ZZEF1: variants seen among roughly 807,000 people sequenced by gnomAD.
ZZEF1 encodes the protein zinc finger ZZ-type and EF-hand domain containing 1.
In ZZEF1, 157 loss-of-function variants were observed where a neutral mutation model predicts 342.8. That is an observed-to-expected ratio of 0.46 (90% confidence interval 0.40 to 0.52). The LOEUF is 0.52. Among genes scored for constraint, ZZEF1 ranks in the 20% least tolerant of loss-of-function variants. The probability of loss-of-function intolerance (pLI) is 0.00; values close to 1 mark genes in which losing one functional copy is unlikely to be tolerated. For synonymous variants in ZZEF1, 1,505 were observed against 1,429.1 expected (o/e 1.05, Z -1.20); for missense variants, 3,480 against 3,725.6 (o/e 0.93, Z 1.72).
At position 4,142,737 on chromosome 17, in the gene ZZEF1, C is replaced by G; in HGVS notation, c.159G>C (p.Pro53=). 6.5e-7 allele frequency: 1 copy of G among 1,530,016 alleles called. No individual in the cohort carries two copies. Among genetic ancestry groups the G allele is most frequent in the Middle Eastern group, 1.7e-4 (1 of 5,874 alleles). The allele number at this position is 1,530,016 out of a possible 1,614,324, so 94.8% of individuals were successfully genotyped here. ...ALPPAAALLE[P]ARLREAAAAL... ...CTGCAGCAGCCTCTCGCAGCCTGGC[C>G]GGCTCCAGCAGCGCCGCGGCGGGTG... is the stretch of plus-strand genomic sequence containing the variant. Residue 53 remains proline (P), a synonymous_variant, in exon 1 of 55, where the codon CCG becomes CCC. Transcript: ENST00000381638.
intron 2 of ZZEF1, among the ~76,000 whole-genome samples, chr17:4,123,266 AC>A (rs2058514329): frequency 1.4e-5 from 1 of 72,448 alleles, no homozygotes; most frequent in African/African-American, 5.1e-5. Context: ...ATTTATCATA[AC>A]CATATATATA....
chr17:4,128,425 T>C (rs577273222), intron 1 of ZZEF1, among the ~76,000 whole-genome samples: 1 of 149,620 alleles, frequency 6.7e-6, no homozygotes, highest in South Asian at 2.1e-4. Context: ...AAAAGGATGA[T>C]TAATATCTTC....
chr17:4,063,404 T>C (rs1463328294), intron 29 of ZZEF1, among the ~76,000 whole-genome samples: 2 of 152,124 alleles, frequency 1.3e-5, no homozygotes, highest in African/African-American at 2.4e-5. Context: ...AGGGCGGCCA[T>C]GTTTCTAGAA....
chr17:4,109,925 C>T, intron 5 of ZZEF1, 62 bp from the exon 6 acceptor site: 1 of 1,557,368 alleles, frequency 6.4e-7, no homozygotes. Flanking sequence ...TGCTGGGCTC[C>T]CAACTAAAAG....
At chr17:4,084,437 T>C (rs1173607069) in intron 16 of ZZEF1, among the ~76,000 whole-genome samples, 1 of 152,218 alleles carries the variant, frequency 6.6e-6, no homozygotes, top group Non-Finnish European at 1.5e-5. Context: ...AGGGTTCTTC[T>C]AACTATGTTC....
At chr17:4,100,834 C>CA (rs2058115606) in intron 9 of ZZEF1, among the ~76,000 whole-genome samples, 1 of 151,992 alleles carries the variant, frequency 6.6e-6, no homozygotes, top group Admixed American at 6.6e-5. Context: ...GACTTCGTCT[C>CA]AAAAAAATAT....
intron 9 of ZZEF1, 120 bp downstream of exon 9, chr17:4,102,196 CT>C (rs1296255585): frequency 3.6e-6 from 3 of 844,286 alleles, no homozygotes; most frequent in Non-Finnish European, 5.7e-6. Flanking sequence ...CCACTGCCAA[CT>C]GAGAAACAAC....
In ZZEF1 at chr17:4,051,982, T is replaced by C. The variant is rs375457144; in HGVS notation, c.5589A>G (p.Lys1863=). Residue 1863 remains lysine, a synonymous_variant, in exon 35 of 55, where the codon AAA becomes AAG. Coordinates refer to ENST00000381638, the MANE Select transcript of ZZEF1 (RefSeq NM_015113.4). ...CACTTGAGACATACCCGTAGGAGTATTTCTTCGCTGCATAGCATCCGTAGC... is the reference window on the plus strand; with the variant it reads ...CACTTGAGACATACCCGTAGGAGTACTTCTTCGCTGCATAGCATCCGTAGC... The part of the protein sequence containing the change: ...DLCYGCYAAK[K]YSYGHLPTHS... 9.4e-5 allele frequency: 152 copies of C among 1,614,052 alleles called. No individual in the cohort carries two copies. Among genetic ancestry groups the C allele is most frequent in the Non-Finnish European group, 1.2e-4 (146 of 1,179,954 alleles).
At chr17:4,095,763 ATTC>A (rs1597884452) in intron 11 of ZZEF1, 65 bp downstream of exon 11, 2 of 1,508,894 alleles carry the variant, frequency 1.3e-6, no homozygotes, top group Non-Finnish European at 1.8e-6. Flanking sequence ...GCATGAATAC[ATTC>A]TTATTAACTA....
In ZZEF1 at chr17:4,005,155, CTG is replaced by C. The variant is rs1184949340; in HGVS notation, c.*1733_*1734del. On this transcript the variant is annotated 3_prime_UTR_variant, in exon 55 of 55. Transcript: ENST00000381638. Reference sequence around the variant, plus strand: ...CCTCCCAAGCACTAAGACTTGTTTCCTGTGAGTCCCCTCTTGGGAAACTCCTT... The same window carrying C: ...CCTCCCAAGCACTAAGACTTGTTTCCTGAGTCCCCTCTTGGGAAACTCCTT... 6.6e-6 allele frequency: 1 copy of C among 152,320 alleles called. No homozygotes were observed. The highest frequency in any genetic ancestry group is 2.4e-5 in the African/African-American group (1 of 41,454). 9.4% of individuals were successfully genotyped at this position (152,320 alleles called of 1,614,324 possible).
Position 4,056,309 on chromosome 17 carries a change from C to T in ZZEF1, c.5202G>A (p.Lys1734=), listed in dbSNP as rs528256445. 17 of 1,600,818 alleles carry T rather than the reference C, an allele frequency of 1.1e-5. No individual in the cohort carries two copies. Among genetic ancestry groups the T allele is most frequent in the Admixed American group, 1.7e-5 (1 of 58,094 alleles). ...WSEEDELADA[K]QNSEWMDECQ... is the part of the protein sequence containing the mutation. ...ACTCATCCATCCATTCTGAATTCTGCTTGGCATCAGCAAGCTCATCTTCTT... is the reference window on the plus strand; with the variant it reads ...ACTCATCCATCCATTCTGAATTCTGTTTGGCATCAGCAAGCTCATCTTCTT... Residue 1734 remains lysine (K), a synonymous_variant, in exon 33 of 55, where the codon AAG becomes AAA. Coordinates refer to ENST00000381638, the MANE Select transcript of ZZEF1 (RefSeq NM_015113.4).
chr17:4,023,718 G>C (rs1251647117), intron 43 of ZZEF1, among the ~76,000 whole-genome samples: 3 of 150,852 alleles, frequency 2.0e-5, no homozygotes, highest in South Asian at 4.2e-4. Context: ...GTTAGTCCCA[G>C]CTACTTGGGA....
chr17:4,075,868 A>C (rs754213846), intron 21 of ZZEF1: 2 of 157,176 alleles, frequency 1.3e-5, no homozygotes, highest in Non-Finnish European at 2.8e-5. Context: ...CCTGTTAAAT[A>C]TAAATGCCTT....
chr17:4,067,162 C>G lies in ZZEF1; in HGVS notation c.4155+1G>C. 1 of 1,611,400 alleles carries G rather than the reference C, an allele frequency of 6.2e-7. No homozygotes were observed. Among genetic ancestry groups the G allele is most frequent in the Non-Finnish European group, 8.5e-7 (1 of 1,178,734 alleles). On this transcript the variant is annotated splice_donor_variant, in intron 27 of 54. Transcript: ENST00000381638. LOFTEE classifies it high-confidence loss of function. ...AAAATCACATGCAAAGAAAATCTTACCATCCATATTCGAATCCCATCTGCC... is the reference window on the plus strand; with the variant it reads ...AAAATCACATGCAAAGAAAATCTTAGCATCCATATTCGAATCCCATCTGCC...
At chr17:4,073,480 G>C (rs2057549409) in intron 24 of ZZEF1, among the ~76,000 whole-genome samples, 1 of 152,192 alleles carries the variant, frequency 6.6e-6, no homozygotes, top group South Asian at 2.1e-4. Context: ...TACCCAGACT[G>C]GAGTGCAGCA....
At position 4,088,911 on chromosome 17, in the gene ZZEF1, G is replaced by T. The variant is rs374200943; in HGVS notation, c.2026-18C>A. 1 of 1,610,278 alleles carries T rather than the reference G, an allele frequency of 6.2e-7. No homozygotes were observed. Among genetic ancestry groups the T allele is most frequent in the Admixed American group, 1.7e-5 (1 of 59,760 alleles). On this transcript the variant is annotated intron_variant, in intron 12 of 54. Transcript: ENST00000381638. ...ATCAAATACTGGACAGGACAAGAGA[G>T]ATTTCAATAGAAGAACTCAGAATCC...
At chr17:4,142,331 G>A (rs1271424641) in intron 1 of ZZEF1, among the ~76,000 whole-genome samples, 1 of 152,226 alleles carries the variant, frequency 6.6e-6, no homozygotes, top group Non-Finnish European at 1.5e-5. Context: ...ATATGGGCTT[G>A]TCCAGCTCTT....
At chr17:4,018,546 GA>G (rs1379678455) in intron 46 of ZZEF1, among the ~76,000 whole-genome samples, 1 of 152,172 alleles carries the variant, frequency 6.6e-6, no homozygotes, top group African/African-American at 2.4e-5. Flanking sequence ...TTTACGAACA[GA>G]AAAAGGAAAC....
At chr17:4,079,777 C>T (rs934381182) in intron 18 of ZZEF1, among the ~76,000 whole-genome samples, 1 of 152,144 alleles carries the variant, frequency 6.6e-6, no homozygotes, top group East Asian at 1.9e-4. Context: ...GCCTATCATG[C>T]CAGGCAGCTG....
Sources: allele counts gnomAD v4.1 joint callset (sites outside exome capture counted in the v4.1 genomes callset), GRCh38; gene constraint gnomAD v4.1.1; transcripts MANE v1.5; gene names NCBI Gene and HGNC (gene_info 2026-07-23, HGNC 2026-07-21).